Variants in SERPINI2 observed in about 807,000 individuals in gnomAD.
The protein encoded by SERPINI2 is serpin family I member 2.
Under a neutral mutation model 47.3 loss-of-function variants are expected in SERPINI2, and 48 were observed. The ratio of observed to expected loss-of-function variants is 1.02; its 90% CI spans 0.81 to 1.29. The LOEUF is 1.29. SERPINI2 is among the 50% of genes most tolerant of loss of function. SERPINI2 has a pLI of 0.00. For missense variants in SERPINI2, 448 were observed against 456.9 expected (o/e 0.98, Z 0.18); for synonymous variants, 135 against 149.3 (o/e 0.90, Z 0.70).
intron 5 of SERPINI2, among the ~76,000 whole-genome samples, chr3:167,454,992 T>C (rs753452070): frequency 2.6e-5 from 4 of 152,202 alleles, no homozygotes; most frequent in Non-Finnish European, 5.9e-5. Flanking sequence ...TCAGGTCTAT[T>C]TGAAGTCAAA....
exon 3 of SERPINI2, chr3:167,467,158 A>G (rs745959351): frequency 6.2e-7 from 1 of 1,613,544 alleles, no homozygotes; most frequent in Non-Finnish European, 8.5e-7. Context: ...CCTTGTTGCC[A>G]TGGAGATACT....
At position 167,452,999 on chromosome 3, in the gene SERPINI2, CG is replaced by C; in HGVS notation, c.900del (p.Asp300GlufsTer6). 1 of 1,602,060 alleles carries C rather than the reference CG, an allele frequency of 6.2e-7. No individual in the cohort carries two copies. Among genetic ancestry groups the C allele is most frequent in the Middle Eastern group, 1.7e-4 (1 of 5,896 alleles). On this transcript the variant is annotated frameshift_variant, in exon 6 of 9. Coordinates refer to ENST00000264677, the Ensembl canonical transcript of SERPINI2. LOFTEE classifies it high-confidence loss of function. ...TCGGTTATGTTCAAAGAATACAAAA[CG>C]TCTTTGAAGTCTACTTTTTGTTCTA...
chr3:167,459,584 G>A (rs1281310131), intron 5 of SERPINI2, among the ~76,000 whole-genome samples: 12 of 151,732 alleles, frequency 7.9e-5, no homozygotes, highest in Admixed American at 3.3e-4. Context: ...CACAAAAGAG[G>A]GAAAGGAGAA....
At chr3:167,460,377 G>A (rs1181011669) in intron 5 of SERPINI2, among the ~76,000 whole-genome samples, 1 of 152,166 alleles carries the variant, frequency 6.6e-6, no homozygotes, top group Non-Finnish European at 1.5e-5. Flanking sequence ...CTGTTGTGAA[G>A]AAATTGTTCC....
At chr3:167,446,393 T>C in exon 8 of SERPINI2, 1 of 1,593,294 alleles carries the variant, frequency 6.3e-7, no homozygotes, top group Non-Finnish European at 8.6e-7. Flanking sequence ...AAAAGGTACC[T>C]GTTGGATTAT....
At chr3:167,465,701 G>A (rs1408617680) in intron 3 of SERPINI2, 28 bp from the exon 4 acceptor site, 3 of 1,571,096 alleles carry the variant, frequency 1.9e-6, no homozygotes, top group African/African-American at 2.7e-5. Flanking sequence ...GAGGAGGTAA[G>A]AAGAAATGTG....
At chr3:167,447,412 C>G (rs538142483) in intron 7 of SERPINI2, among the ~76,000 whole-genome samples, 3 of 152,254 alleles carry the variant, frequency 2.0e-5, no homozygotes, top group Non-Finnish European at 4.4e-5. Context: ...AATACTTGGA[C>G]TTTTTTTGCT....
chr3:167,453,987 A>C (rs1189813430), intron 5 of SERPINI2, among the ~76,000 whole-genome samples: 2 of 152,252 alleles, frequency 1.3e-5, no homozygotes, highest in East Asian at 3.8e-4. Context: ...GACACATGTA[A>C]TAATCTTAAA....
chr3:167,472,306 A>G (rs561082420), intron 1 of SERPINI2, among the ~76,000 whole-genome samples: 9 of 152,192 alleles, frequency 5.9e-5, no homozygotes, highest in African/African-American at 2.2e-4. Flanking sequence ...GACCTATAAT[A>G]TTAGAAAATT....
chr3:167,471,347 C>T (rs1750312621), intron 2 of SERPINI2, among the ~76,000 whole-genome samples: 1 of 151,804 alleles, frequency 6.6e-6, no homozygotes, highest in Non-Finnish European at 1.5e-5. Context: ...AGAAAATGTA[C>T]AAATATTTAC....
chr3:167,463,530 A>C (rs910589272), intron 5 of SERPINI2, among the ~76,000 whole-genome samples: 18 of 152,170 alleles, frequency 1.2e-4, no homozygotes, highest in Admixed American at 5.9e-4. Flanking sequence ...TTCCAGAAAG[A>C]GAGAAAGAAA....
chr3:167,469,358 T>G (rs1750242651), intron 2 of SERPINI2: 1 of 152,178 alleles, frequency 6.6e-6, no homozygotes. Flanking sequence ...TGTGTGCATA[T>G]GGGAGATCCA....
rs199872504 is a variant in SERPINI2, at chr3:167,465,592, C to G, written c.560G>C (p.Gly187Ala). The G allele has an allele frequency of 1.2e-5, 20 of 1,613,586 alleles. No homozygotes were observed. The highest frequency in any genetic ancestry group is 1.4e-5 in the Non-Finnish European group (17 of 1,179,900). ...TTTTCTGAATTTCTGTTTCCAATCTCCTTTGAAATAAATAGCATTCACCAG... is the reference window on the plus strand; with the variant it reads ...TTTTCTGAATTTCTGTTTCCAATCTGCTTTGAAATAAATAGCATTCACCAG... Residue 187 changes from glycine (G) to alanine (A), a missense_variant, in exon 4 of 9, where the codon GGA becomes GCA. Transcript: ENST00000264677.
chr3:167,455,551 G>T (rs1749761682), intron 5 of SERPINI2, among the ~76,000 whole-genome samples: 1 of 143,832 alleles, frequency 7.0e-6, no homozygotes, highest in African/African-American at 2.6e-5. Context: ...CATTCTTGGT[G>T]TATTAGGCTA....
upstream of SERPINI2, chr3:167,474,164 TA>T (rs765099953): frequency 5.0e-5 from 49 of 984,268 alleles, no homozygotes; most frequent in Non-Finnish European, 5.7e-5. Context: ...ACTACATTTG[TA>T]TTAAGAACTA....
intron 7 of SERPINI2, among the ~76,000 whole-genome samples, chr3:167,448,361 A>G (rs977395743): frequency 6.6e-6 from 1 of 152,242 alleles, no homozygotes; most frequent in Non-Finnish European, 1.5e-5. Context: ...TACATTTGTA[A>G]TAAAAAAGGC....
intron 6 of SERPINI2, among the ~76,000 whole-genome samples, chr3:167,450,053 C>T (rs1465665664): frequency 6.6e-6 from 1 of 152,220 alleles, no homozygotes; most frequent in African/African-American, 2.4e-5. Context: ...ATGAAAGAGG[C>T]TTTCCAGATC....
intron 5 of SERPINI2, among the ~76,000 whole-genome samples, chr3:167,453,652 GGA>G (rs535584453): frequency 8.4e-4 from 124 of 148,474 alleles, no homozygotes; most frequent in African/African-American, 2.7e-3. Flanking sequence ...AAAAATTACA[GGA>G]GTGGGGGGGG....
exon 9 of SERPINI2, chr3:167,442,067 T>A (rs771488855): frequency 6.7e-7 from 1 of 1,490,274 alleles, no homozygotes; most frequent in South Asian, 1.2e-5. Flanking sequence ...CAATCAGCTA[T>A]TTTTGAGAAA....
Sources: allele counts gnomAD v4.1 joint callset (sites outside exome capture counted in the v4.1 genomes callset), GRCh38; gene constraint gnomAD v4.1.1; transcripts MANE v1.5; gene names NCBI Gene and HGNC (gene_info 2026-07-23, HGNC 2026-07-21).